Variants in STAP1 observed in about 807,000 individuals in gnomAD.
The protein encoded by STAP1 is signal transducing adaptor family member 1.
In STAP1, 30 loss-of-function variants were observed where a neutral mutation model predicts 37.8. The ratio of observed to expected loss-of-function variants is 0.79; its 90% confidence interval spans 0.59 to 1.08. The LOEUF (loss-of-function observed/expected upper bound fraction) is 1.08. STAP1 is among the 50% of genes least tolerant of loss of function. The probability of loss-of-function intolerance (pLI) is 0.00; values close to 1 mark genes in which losing one functional copy is unlikely to be tolerated. For missense variants in STAP1, 357 were observed against 349.4 expected, an observed-to-expected ratio of 1.02 and a Z score of -0.17; for synonymous variants, 130 against 116.0, an observed-to-expected ratio of 1.12 and a Z score of -0.78.
In STAP1 at chr4:67,586,468, A is replaced by C. The variant is rs1021646654; in HGVS notation, c.659+2766A>C. On this transcript the variant is annotated intron_variant, in intron 6 of 8. Coordinates refer to ENST00000265404, the MANE Select transcript of STAP1 (RefSeq NM_012108.4). Reference sequence around the variant, plus strand: ...CAAGACTCCATCTCAAAAACAAAACAAACAAACAAAAAAACTGCATATTTC... The same window carrying C: ...CAAGACTCCATCTCAAAAACAAAACCAACAAACAAAAAAACTGCATATTTC... Among the ~76,000 whole-genome samples, 7 of 152,050 alleles carry C rather than the reference A, an allele frequency of 4.6e-5. 1 individual carries two copies. Among genetic ancestry groups the C allele is most frequent in the Admixed American group, 1.3e-4 (2 of 15,266 alleles).
intron 7 of STAP1, among the ~76,000 whole-genome samples, chr4:67,591,865 TGACTA>T (rs1360670041): frequency 6.6e-6 from 1 of 152,184 alleles, no homozygotes; most frequent in Non-Finnish European, 1.5e-5. Context: ...GATCCATTCC[TGACTA>T]GACTTTTAAA....
At chr4:67,567,776 ACT>A (rs1486028626) in intron 1 of STAP1, among the ~76,000 whole-genome samples, 1 of 152,054 alleles carries the variant, frequency 6.6e-6, no homozygotes, top group Non-Finnish European at 1.5e-5. Context: ...ATAGAGTGAG[ACT>A]CCAGTTGTCC....
intron 8 of STAP1, among the ~76,000 whole-genome samples, chr4:67,597,476 G>A (rs1332836534): frequency 1.1e-4 from 17 of 152,228 alleles, no homozygotes; most frequent in Non-Finnish European, 8.8e-5. Context: ...GGAGCTGTGA[G>A]AAGAGAACCA....
intron 1 of STAP1, among the ~76,000 whole-genome samples, chr4:67,561,669 G>A (rs1339139045): frequency 6.6e-6 from 1 of 152,212 alleles, no homozygotes; most frequent in Non-Finnish European, 1.5e-5. Context: ...TAACCAGGAA[G>A]ATGTGTTTAT....
intron 5 of STAP1, among the ~76,000 whole-genome samples, chr4:67,582,554 C>T (rs1194208750): frequency 7.2e-5 from 11 of 152,030 alleles, no homozygotes; most frequent in African/African-American, 1.7e-4. Flanking sequence ...GTGATCCACC[C>T]GCCTTGGCCT....
chr4:67,582,827 G>A (rs1727894206), intron 5 of STAP1, among the ~76,000 whole-genome samples: 2 of 152,136 alleles, frequency 1.3e-5, no homozygotes, highest in Non-Finnish European at 2.9e-5. Flanking sequence ...TGCATTGCAT[G>A]AGACATTCAA....
intron 1 of STAP1, among the ~76,000 whole-genome samples, chr4:67,565,961 T>C (rs1172261720): frequency 1.4e-5 from 2 of 143,804 alleles, no homozygotes; most frequent in African/African-American, 5.2e-5. Context: ...TTTTTTTTTT[T>C]TTTACGAGAC....
intron 2 of STAP1, among the ~76,000 whole-genome samples, chr4:67,573,655 G>A (rs764946725): frequency 6.6e-6 from 1 of 151,982 alleles, no homozygotes; most frequent in Non-Finnish European, 1.5e-5. Flanking sequence ...TTATCATGAT[G>A]TTTTAAAATA....
intron 1 of STAP1, among the ~76,000 whole-genome samples, chr4:67,562,314 C>T (rs1727367051): frequency 6.6e-6 from 1 of 151,792 alleles, no homozygotes; most frequent in South Asian, 2.1e-4. Context: ...TGCACTCCAG[C>T]CTGGGTGACA....
At chr4:67,591,044 C>A (rs1429850701) in intron 7 of STAP1, 91 bp downstream of exon 7, 2 of 827,318 alleles carry the variant, frequency 2.4e-6, no homozygotes, top group Non-Finnish European at 3.8e-6. Context: ...GTTAAGGAGC[C>A]CTGAATGTGG....
chr4:67,583,501 G>GGT, intron 5 of STAP1, 73 bp from the exon 6 acceptor site: 3 of 1,445,622 alleles, frequency 2.1e-6, no homozygotes, highest in Non-Finnish European at 2.8e-6. Flanking sequence ...AAGTTATTTT[G>GGT]GTAGTATTTT....
At chr4:67,565,667 A>G (rs1485310121) in intron 1 of STAP1, among the ~76,000 whole-genome samples, 28 of 152,160 alleles carry the variant, frequency 1.8e-4, no homozygotes, top group African/African-American at 6.7e-4. Flanking sequence ...TAGTCCATTC[A>G]ATTATTCAAC....
chr4:67,567,918 G>A (rs1727507271), intron 1 of STAP1, among the ~76,000 whole-genome samples: 1 of 152,208 alleles, frequency 6.6e-6, no homozygotes. Context: ...AGAATGGTGA[G>A]AAATAGAAAT....
rs1235036177 is a variant in STAP1 at position 67,581,484 on chromosome 4, T to C, written c.530+13T>C. ...ACCCTATGCCAGCGTAAGTGCACAA[T>C]GAACTGCAGTTTATTCATTCGATTG... On this transcript the variant is annotated intron_variant, in intron 5 of 8. Coordinates refer to ENST00000265404, the MANE Select transcript of STAP1 (RefSeq NM_012108.4). 1 of 1,587,612 alleles carries C rather than the reference T, an allele frequency of 6.3e-7. No homozygotes were observed. The highest frequency in any genetic ancestry group is 1.2e-5 in the South Asian group (1 of 86,610).
chr4:67,582,380 C>T (rs938464139), intron 5 of STAP1, among the ~76,000 whole-genome samples: 6 of 151,760 alleles, frequency 4.0e-5, no homozygotes, highest in African/African-American at 1.5e-4. Flanking sequence ...ACGATCTCAG[C>T]TCACTGCAAT....
Position 67,558,808 on chromosome 4 carries a change from G to A in STAP1, c.-2G>A. The A allele has an allele frequency of 6.2e-7, 1 of 1,612,730 alleles. No homozygotes were observed. Among genetic ancestry groups the A allele is most frequent in the Non-Finnish European group, 8.5e-7 (1 of 1,179,288 alleles). On this transcript the variant is annotated 5_prime_UTR_variant, in exon 1 of 9. Transcript: ENST00000265404. ...ACCAAACCACACACCAAAGAGAGGG[G>A]TATGATGGCTAAGAAGCCCCCAAAA...
At chr4:67,601,944 T>A in intron 8 of STAP1, among the ~76,000 whole-genome samples, 1 of 152,286 alleles carries the variant, frequency 6.6e-6, no homozygotes, top group East Asian at 1.9e-4. Flanking sequence ...CATTGATATC[T>A]CTGTCTACCT....
intron 8 of STAP1, among the ~76,000 whole-genome samples, chr4:67,597,370 G>C (rs139217105): frequency 6.6e-6 from 1 of 152,206 alleles, no homozygotes; most frequent in Admixed American, 6.5e-5. Context: ...TCTGCTCTAG[G>C]GGTAGAGCCC....
At chr4:67,573,630 G>A (rs976856982) in intron 2 of STAP1, among the ~76,000 whole-genome samples, 1 of 151,976 alleles carries the variant, frequency 6.6e-6, no homozygotes, top group African/African-American at 2.4e-5. Context: ...TTTTAAAATT[G>A]ACATATAAAA....
Sources: gnomAD v4.1 joint callset for allele counts (sites outside exome capture counted in the v4.1 genomes callset) on GRCh38, gnomAD v4.1.1 for gene constraint, MANE v1.5 for transcripts, NCBI Gene and HGNC (gene_info 2026-07-23, HGNC 2026-07-21) for gene names.